ADGRE3: variants seen among roughly 807,000 people sequenced by gnomAD.
ADGRE3 encodes the protein adhesion G protein-coupled receptor E3, also known as EGF-like module receptor 3.
A neutral mutation model predicts 80.1 loss-of-function variants in ADGRE3; 88 were observed. That is an observed-to-expected ratio of 1.10 (90% confidence interval 0.93 to 1.31). The LOEUF (loss-of-function observed/expected upper bound fraction) is 1.31, where lower values mean the gene tolerates loss of function less well. Among genes scored for constraint, ADGRE3 ranks in the 40% most tolerant of loss-of-function variants. The pLI is 0.00. For synonymous variants in ADGRE3, 281 were observed against 294.8 expected (o/e 0.95, Z 0.48); for missense variants, 715 against 776.5 (o/e 0.92, Z 0.94).
At chr19:14,609,837 CCAAAACAAAACAAAA>C in the ADGRE3 span, among the ~76,000 whole-genome samples, 1 of 140,520 alleles carries the variant, frequency 7.1e-6, no homozygotes, top group Non-Finnish European at 1.5e-5. Flanking sequence ...GACTCTGTCT[CCAAAACAAAACAAAA>C]CAAAACAAAA....
At chr19:14,659,023 G>A (rs1971858849) in intron 4 of ADGRE3, among the ~76,000 whole-genome samples, 3 of 147,134 alleles carry the variant, frequency 2.0e-5, no homozygotes, top group Admixed American at 6.8e-5. Flanking sequence ...ATGAGCCATC[G>A]CACCTGGCTT....
At position 14,620,568 on chromosome 19, in the gene ADGRE3, A is replaced by ATATT. The variant is rs1435435269; in HGVS notation, c.1921-1098_1921-1097insAATA. Among the ~76,000 whole-genome samples the ATATT allele has an allele frequency of 3.5e-3, 39 of 11,054 alleles. 8 individuals carry two copies. The highest frequency in any genetic ancestry group is 0.014 in the African/African-American group (34 of 2,454). 7.3% of individuals were successfully genotyped at this position (11,054 alleles called of 152,430 possible). ...ATATATTATATATATATATATATATATTTTTTTTTTTTTTTTTTTTTTTTT... is the reference window on the plus strand; with the variant it reads ...ATATATTATATATATATATATATATATATTTTTTTTTTTTTTTTTTTTTTTTTTT... On this transcript the variant is annotated intron_variant, in intron 15 of 15. Transcript: ENST00000253673.
chr19:14,636,057 C>T (rs796997412), intron 11 of ADGRE3, among the ~76,000 whole-genome samples: 1 of 63,604 alleles, frequency 1.6e-5, no homozygotes, highest in Non-Finnish European at 3.2e-5. Flanking sequence ...TCCTTCCTTC[C>T]TTCCTTTCCT....
At chr19:14,662,903 C>CAAAAAAAAA in intron 3 of ADGRE3, among the ~76,000 whole-genome samples, 1 of 92,592 alleles carries the variant, frequency 1.1e-5, no homozygotes, top group Non-Finnish European at 2.0e-5. Flanking sequence ...TCCATCTCTA[C>CAAAAAAAAA]AAAAAAAAAA....
At chr19:14,660,301 A>G (rs2146890530) in intron 4 of ADGRE3, among the ~76,000 whole-genome samples, 1 of 152,308 alleles carries the variant, frequency 6.6e-6, no homozygotes, top group South Asian at 2.1e-4. Context: ...CTGCTTCTAC[A>G]CTGTCAATAG....
downstream of ADGRE3, among the ~76,000 whole-genome samples, chr19:14,615,709 C>G (rs1204287285): frequency 1.3e-5 from 2 of 151,066 alleles, no homozygotes; most frequent in Non-Finnish European, 2.9e-5. Flanking sequence ...TTACAGTGAG[C>G]TGAGATTATG....
chr19:14,667,684 TG>T (rs1400075914), intron 2 of ADGRE3, among the ~76,000 whole-genome samples: 3 of 149,950 alleles, frequency 2.0e-5, no homozygotes, highest in Admixed American at 6.6e-5. Context: ...ACCCAGGGGG[TG>T]GGGGGCGTGG....
intron 6 of ADGRE3, among the ~76,000 whole-genome samples, chr19:14,654,680 G>A (rs978493441): frequency 1.3e-5 from 2 of 152,058 alleles, no homozygotes; most frequent in African/African-American, 4.8e-5. Flanking sequence ...ACATATTAAA[G>A]TGTACAATCT....
At chr19:14,665,315 G>C (rs530274377) in intron 2 of ADGRE3, among the ~76,000 whole-genome samples, 2 of 151,478 alleles carry the variant, frequency 1.3e-5, no homozygotes, top group African/African-American at 2.4e-5. Context: ...CGCCTGCCTC[G>C]GCCTCTCAAA....
Position 14,663,176 on chromosome 19 carries a change from T to C in ADGRE3, c.199+242A>G, listed in dbSNP as rs536556883. Reference sequence around the variant, plus strand: ...CCACACCATGCCCGGCAAATTTTTGTATTTTTAGTAGAGATGGGGTTTTGT... The same window carrying C: ...CCACACCATGCCCGGCAAATTTTTGCATTTTTAGTAGAGATGGGGTTTTGT... On this transcript the variant is annotated intron_variant, in intron 3 of 15. Transcript: ENST00000253673. Among the ~76,000 whole-genome samples the C allele has an allele frequency of 2.4e-4, 37 of 152,080 alleles. No individual in the cohort carries two copies. In the South Asian group the frequency reaches 6.2e-3, roughly 26 times the overall value.
chr19:14,616,824 C>T (rs373427553), downstream of ADGRE3, among the ~76,000 whole-genome samples: 39 of 138,344 alleles, frequency 2.8e-4, no homozygotes, highest in Admixed American at 1.7e-3. Flanking sequence ...GATGGAATTT[C>T]GCTCTTGTTG....
At chr19:14,614,167 G>T (rs987076459), downstream of ADGRE3, among the ~76,000 whole-genome samples, 1 of 152,170 alleles carries the variant, frequency 6.6e-6, no homozygotes, top group African/African-American at 2.4e-5. Context: ...ACTGTCCGCA[G>T]CCTGCTGAGT....
intron 14 of ADGRE3, among the ~76,000 whole-genome samples, chr19:14,627,926 C>G (rs1450043758): frequency 6.6e-6 from 1 of 151,656 alleles, no homozygotes; most frequent in African/African-American, 2.4e-5. Context: ...GTCGGGAGTT[C>G]GAGACCAGCC....
the ADGRE3 span, among the ~76,000 whole-genome samples, chr19:14,612,984 G>A: frequency 4.0e-5 from 6 of 151,356 alleles, no homozygotes; most frequent in Non-Finnish European, 7.4e-5. Context: ...GGAGTGCAGC[G>A]GCGTGATCTC....
chr19:14,669,787 G>T (rs1972202471), intron 1 of ADGRE3, among the ~76,000 whole-genome samples: 1 of 152,148 alleles, frequency 6.6e-6, no homozygotes, highest in Non-Finnish European at 1.5e-5. Context: ...ACTCTGCCCA[G>T]CCCAATGACT....
chr19:14,653,945 G>GTTT (rs1388784134), intron 6 of ADGRE3, among the ~76,000 whole-genome samples: 1 of 52,098 alleles, frequency 1.9e-5, no homozygotes, highest in African/African-American at 7.6e-5. Flanking sequence ...CTGTGTGTGT[G>GTTT]TTTTTTTTTT....
At chr19:14,649,136 CT>C (rs1971504413) in intron 7 of ADGRE3, among the ~76,000 whole-genome samples, 3 of 150,660 alleles carry the variant, frequency 2.0e-5, no homozygotes, top group Admixed American at 2.0e-4. Flanking sequence ...CCGTCTCTCT[CT>C]CCACATCTCT....
intron 4 of ADGRE3, 80 bp downstream of exon 4, chr19:14,661,883 T>TCAAAACAAAA (rs774016812): frequency 6.6e-7 from 1 of 1,507,052 alleles, no homozygotes; most frequent in African/African-American, 1.4e-5. Flanking sequence ...AGACTCTGTC[T>TCAAAACAAAA]CAAAACAAAA....
At chr19:14,620,566 ATATTTTTTTTTTTTTTT>A (rs1568471692) in intron 15 of ADGRE3, among the ~76,000 whole-genome samples, 188 of 16,042 alleles carry the variant, frequency 0.012, 22 homozygotes, top group Admixed American at 0.018. Flanking sequence ...ATATATATAT[ATATTTTTTTTTTTTTTT>A]TTTTTTTTTT....
Sources: allele counts gnomAD v4.1 joint callset (sites outside exome capture counted in the v4.1 genomes callset), GRCh38; gene constraint gnomAD v4.1.1; transcripts MANE v1.5; gene names NCBI Gene and HGNC (gene_info 2026-07-23, HGNC 2026-07-21).